The following DLGAP2 variants were observed in gnomAD, a reference collection of about 807,000 sequenced individuals.
The protein encoded by DLGAP2 is disks large-associated protein 2.
Under a neutral mutation model 100.3 loss-of-function variants are expected in DLGAP2, and 26 were observed. That is an observed-to-expected ratio of 0.26 (90% CI 0.19 to 0.36). The LOEUF (loss-of-function observed/expected upper bound fraction) is 0.36, where lower values mean the gene tolerates loss of function less well. Ranked by LOEUF, DLGAP2 falls within the 10% of genes least tolerant of loss-of-function variation. The pLI is 1.00. For synonymous variants in DLGAP2, 886 were observed against 630.1 expected, an observed-to-expected ratio of 1.41 and a Z score of -6.08; for missense variants, 1,858 against 1,453.2, an observed-to-expected ratio of 1.28 and a Z score of -4.53.
At chr8:1,218,852 G>T (rs1441321286) in intron 2 of DLGAP2, among the ~76,000 whole-genome samples, 3 of 152,108 alleles carry the variant, frequency 2.0e-5, no homozygotes, top group Non-Finnish European at 4.4e-5. Flanking sequence ...CACCTGGTTA[G>T]CTGTATTCCT....
intron 2 of DLGAP2, among the ~76,000 whole-genome samples, chr8:1,037,122 TAG>T (rs1421057699): frequency 6.6e-6 from 1 of 152,022 alleles, no homozygotes; most frequent in Admixed American, 6.5e-5. Context: ...CATGGTCACG[TAG>T]AGAGAGAGGA....
At chr8:1,314,521 G>A (rs1244715898) in intron 3 of DLGAP2, among the ~76,000 whole-genome samples, 1 of 152,196 alleles carries the variant, frequency 6.6e-6, no homozygotes, top group African/African-American at 2.4e-5. Flanking sequence ...TAACATGTCA[G>A]GGGAGACATG....
intron 2 of DLGAP2, among the ~76,000 whole-genome samples, chr8:1,010,283 T>C (rs183273501): frequency 7.0e-6 from 1 of 143,422 alleles, no homozygotes; most frequent in African/African-American, 2.7e-5. Flanking sequence ...CATTCTCACA[T>C]ATGTGTGTAC....
intron 2 of DLGAP2, among the ~76,000 whole-genome samples, chr8:1,170,064 C>G (rs549497326): frequency 4.3e-4 from 65 of 152,096 alleles, no homozygotes; most frequent in African/African-American, 1.5e-3. Context: ...CCCATCAATA[C>G]CTAATTTATT....
chr8:1,683,856 A>ATATATATATG (rs1467438870), intron 12 of DLGAP2, among the ~76,000 whole-genome samples: 6 of 62,228 alleles, frequency 9.6e-5, no homozygotes, highest in African/African-American at 4.2e-4. Context: ...ATATATATAT[A>ATATATATATG]TGTGTGTGTG....
chr8:1,197,796 C>G (rs1446605996), intron 2 of DLGAP2, among the ~76,000 whole-genome samples: 2 of 152,246 alleles, frequency 1.3e-5, no homozygotes, highest in African/African-American at 4.8e-5. Flanking sequence ...AACCGCACTA[C>G]CTTTTTCATC....
At chr8:871,100 C>T (rs147111274) in intron 1 of DLGAP2, among the ~76,000 whole-genome samples, 2 of 152,208 alleles carry the variant, frequency 1.3e-5, no homozygotes, top group Admixed American at 1.3e-4. Context: ...CAGAGCCTGA[C>T]CACCTCTGGG....
intron 3 of DLGAP2, among the ~76,000 whole-genome samples, chr8:1,331,519 C>A (rs963245699): frequency 6.6e-6 from 1 of 152,196 alleles, no homozygotes; most frequent in African/African-American, 2.4e-5. Flanking sequence ...GGACACGGAT[C>A]TGGGCAGTGT....
At chr8:1,372,253 G>T (rs955932608) in intron 3 of DLGAP2, among the ~76,000 whole-genome samples, 2 of 151,980 alleles carry the variant, frequency 1.3e-5, no homozygotes, top group African/African-American at 4.8e-5. Context: ...CTGGGACGCT[G>T]GTCACCGTGC....
intron 2 of DLGAP2, among the ~76,000 whole-genome samples, chr8:929,781 A>G (rs1411457983): frequency 6.7e-6 from 1 of 149,436 alleles, no homozygotes; most frequent in African/African-American, 2.5e-5. Flanking sequence ...GTCTAATTAT[A>G]CTTAGAAGGA....
chr8:1,632,806 G>C (rs760904358), intron 7 of DLGAP2, 21 bp from the exon 8 acceptor site: 6 of 1,586,562 alleles, frequency 3.8e-6, no homozygotes, highest in Non-Finnish European at 5.2e-6. Flanking sequence ...GGGGCATCAC[G>C]TGTGCTGTTG....
chr8:1,456,620 G>C (rs1248550514), intron 3 of DLGAP2, among the ~76,000 whole-genome samples: 1 of 152,212 alleles, frequency 6.6e-6, no homozygotes, highest in African/African-American at 2.4e-5. Context: ...TAATGAAAAA[G>C]TGTCACCAGA....
chr8:1,651,553 G>A (rs1017960973), intron 8 of DLGAP2, among the ~76,000 whole-genome samples: 5 of 152,152 alleles, frequency 3.3e-5, no homozygotes, highest in Admixed American at 2.0e-4. Context: ...AGCACATGGC[G>A]GCTGGGGCGT....
chr8:1,507,879 G>A (rs1799989663), intron 4 of DLGAP2, among the ~76,000 whole-genome samples: 1 of 133,406 alleles, frequency 7.5e-6, no homozygotes, highest in Non-Finnish European at 1.5e-5. Flanking sequence ...TCAGGCTTCA[G>A]CCTTGACCTT....
chr8:1,245,127 C>A (rs1798876848), intron 2 of DLGAP2, among the ~76,000 whole-genome samples: 1 of 152,194 alleles, frequency 6.6e-6, no homozygotes, highest in African/African-American at 2.4e-5. Context: ...AAACTGGAAC[C>A]TTCATACACG....
chr8:1,377,798 G>C (rs1406015028), intron 3 of DLGAP2: 1 of 152,284 alleles, frequency 6.6e-6, no homozygotes, highest in African/African-American at 2.4e-5. Flanking sequence ...CCTTTGTGAT[G>C]TAAGAATCCA....
At chr8:1,604,330 G>A (rs1445535128) in intron 6 of DLGAP2, among the ~76,000 whole-genome samples, 1 of 152,132 alleles carries the variant, frequency 6.6e-6, no homozygotes. Context: ...CAAATGAAAT[G>A]GACAAAATTC....
At chr8:1,374,322 C>G (rs571112830) in intron 3 of DLGAP2, among the ~76,000 whole-genome samples, 7 of 151,876 alleles carry the variant, frequency 4.6e-5, no homozygotes, top group South Asian at 2.1e-4. Flanking sequence ...CCACGGTGGT[C>G]CCATGCAGCC....
intron 1 of DLGAP2, among the ~76,000 whole-genome samples, chr8:863,147 G>A (rs1037355356): frequency 3.3e-5 from 5 of 152,128 alleles, no homozygotes; most frequent in Admixed American, 1.3e-4. Context: ...TGTTGCTCAC[G>A]GCCAAGGAGG....
Sources: allele counts gnomAD v4.1 joint callset (sites outside exome capture counted in the v4.1 genomes callset), GRCh38; gene constraint gnomAD v4.1.1; transcripts MANE v1.5; gene names NCBI Gene and HGNC (gene_info 2026-07-23, HGNC 2026-07-21).